Variants in SETD5 observed in about 807,000 individuals in gnomAD.
SETD5 encodes the protein histone-lysine N-methyltransferase SETD5.
In SETD5, 44 loss-of-function variants were observed where a neutral mutation model predicts 153.3. The ratio of observed to expected loss-of-function variants is 0.29; its 90% CI spans 0.23 to 0.37. The LOEUF (loss-of-function observed/expected upper bound fraction) is 0.37, where lower values mean the gene tolerates loss of function less well. Ranked by LOEUF, SETD5 falls within the 10% of genes least tolerant of loss-of-function variation. The pLI is 1.00. For synonymous variants in SETD5, 716 were observed against 645.2 expected, an observed-to-expected ratio of 1.11 and a Z score of -1.66; for missense variants, 1,544 against 1,768.0, an observed-to-expected ratio of 0.87 and a Z score of 2.27.
At chr3:9,435,230 C>CA (rs1196695310) in intron 6 of SETD5, among the ~76,000 whole-genome samples, 1 of 102,572 alleles carries the variant, frequency 9.7e-6, no homozygotes, top group African/African-American at 4.0e-5. Context: ...GCAACAAGAG[C>CA]AAAACTCCCT....
In SETD5 at chr3:9,434,088, C is replaced by T. The variant is rs766934759; in HGVS notation, c.177+138C>T. The T allele has an allele frequency of 2.0e-5, 31 of 1,575,592 alleles. No individual in the cohort carries two copies. The African/African-American group carries it at 2.6e-4, about 13-fold the overall frequency. On this transcript the variant is annotated intron_variant, in intron 4 of 22. Coordinates refer to ENST00000402198, the MANE Select transcript of SETD5 (RefSeq NM_001080517.3). The surrounding 1 kb of genome is among the most constrained non-coding windows in gnomAD (Gnocchi z 5.6). ...TTTGCACTTCCCTGACTCCAGCGGA[C>T]GTCTAGCCCTGCATCATTGTTCTTG...
chr3:9,424,814 A>G (rs562243724), intron 2 of SETD5, among the ~76,000 whole-genome samples: 1 of 152,276 alleles, frequency 6.6e-6, no homozygotes, highest in African/African-American at 2.4e-5. Flanking sequence ...TAATAGCTAC[A>G]TTTTACAGAG....
intron 1 of SETD5, among the ~76,000 whole-genome samples, chr3:9,406,609 A>AAAAAAAAAAAAAAG (rs1297037233): frequency 2.0e-5 from 3 of 149,038 alleles, no homozygotes; most frequent in African/African-American, 7.3e-5. Context: ...CTCTGTCTCA[A>AAAAAAAAAAAAAAG]AAAAAAAAAA....
intron 3 of SETD5, chr3:9,429,467 C>T (rs2039710114): frequency 6.1e-6 from 1 of 163,578 alleles, no homozygotes; most frequent in Admixed American, 6.0e-5. Flanking sequence ...CTTCTGACAT[C>T]TGGGGTAGAA....
At chr3:9,442,890 C>T (rs1411092310) in intron 10 of SETD5, 1 of 169,448 alleles carries the variant, frequency 5.9e-6, no homozygotes, top group East Asian at 1.8e-4. Flanking sequence ...AAATAGAAAA[C>T]TTAGCCAGGC....
intron 1 of SETD5, among the ~76,000 whole-genome samples, chr3:9,409,403 T>A (rs1371282373): frequency 6.6e-6 from 1 of 152,168 alleles, no homozygotes; most frequent in Non-Finnish European, 1.5e-5. Flanking sequence ...GAAGTATTAT[T>A]ATTGTGTACT....
intron 8 of SETD5, among the ~76,000 whole-genome samples, chr3:9,441,148 A>C (rs920472760): frequency 6.6e-6 from 1 of 152,132 alleles, no homozygotes; most frequent in Non-Finnish European, 1.5e-5. Flanking sequence ...ATTTGAGGTT[A>C]TAGTAAGCTA....
chr3:9,441,773 T>C, intron 9 of SETD5, 32 bp downstream of exon 9: 3 of 1,613,668 alleles, frequency 1.9e-6, no homozygotes, highest in Non-Finnish European at 2.5e-6. Flanking sequence ...CAGTGAGGGC[T>C]AAGGTGGACC....
rs1354577419 is a variant in SETD5 at position 9,476,060 on chromosome 3, C to T, written c.4298C>T (p.Ser1433Leu). Residue 1433 changes from serine (S) to leucine (L), a missense_variant, in exon 23 of 23, where the codon TCA becomes TTA. Physicochemically the swap from Ser to Leu is moderately radical, Grantham distance 145 (BLOSUM62 -2). Transcript: ENST00000402198. ...TACCGACTCCAGCCACTGCAAGGGT[C>T]AGGAGTCAAGACTCAGACGGGACTT... ...HQYRLQPLQGSGVKTQTGLS is the reference protein window; with the variant it reads ...HQYRLQPLQGLGVKTQTGLS 1 of 1,613,844 alleles carries T rather than the reference C, an allele frequency of 6.2e-7. No homozygotes were observed. Among genetic ancestry groups the T allele is most frequent in the Non-Finnish European group, 8.5e-7 (1 of 1,179,820 alleles).
At chr3:9,436,044 C>A in intron 7 of SETD5, 138 bp downstream of exon 7, 1 of 757,512 alleles carries the variant, frequency 1.3e-6, no homozygotes, top group Non-Finnish European at 2.2e-6. Context: ...CAAAAATCAG[C>A]TAATCTGTGT....
intron 3 of SETD5, among the ~76,000 whole-genome samples, chr3:9,432,956 A>C (rs1004085564): frequency 6.6e-6 from 1 of 152,184 alleles, no homozygotes; most frequent in Non-Finnish European, 1.5e-5. Context: ...AGTCAGACAG[A>C]CTTTGTTTCA....
At chr3:9,440,427 A>G (rs2041136787) in intron 7 of SETD5, 29 bp from the exon 8 acceptor site, 4 of 1,241,108 alleles carry the variant, frequency 3.2e-6, no homozygotes, top group South Asian at 2.4e-5. Context: ...CATGGACTTT[A>G]CTAACCTCCC....
chr3:9,457,728 G>A (rs1575534511), intron 17 of SETD5, among the ~76,000 whole-genome samples: 1 of 148,894 alleles, frequency 6.7e-6, no homozygotes, highest in Non-Finnish European at 1.5e-5. Context: ...CTGAGGAAAT[G>A]GAAATTTCTT....
rs768890584 is a variant in SETD5 at position 9,447,038 on chromosome 3, A to C, written c.1525-12A>C. ...TGAAGCTTCCTTCTACACCAGTACT[A>C]TCTCTTTCTAGACCAGGGAAGATAG... On this transcript the variant is annotated splice_polypyrimidine_tract_variant and intron_variant, in intron 13 of 22. Transcript: ENST00000402198. 3.1e-6 allele frequency: 5 copies of C among 1,600,708 alleles called. No homozygotes were observed. The highest frequency in any genetic ancestry group is 2.2e-5 in the East Asian group (1 of 44,836).
At chr3:9,459,665 C>A (rs1260611822) in intron 17 of SETD5, among the ~76,000 whole-genome samples, 47 of 148,076 alleles carry the variant, frequency 3.2e-4, no homozygotes, top group Non-Finnish European at 6.3e-4. Context: ...CGCCTGTAAT[C>A]CCAGCTACTC....
chr3:9,412,600 G>A (rs2036776536), intron 1 of SETD5, among the ~76,000 whole-genome samples: 1 of 151,580 alleles, frequency 6.6e-6, no homozygotes, highest in Admixed American at 6.6e-5. Flanking sequence ...ACAGGTGGGG[G>A]TCTCACTGTG....
chr3:9,470,367 C>G, intron 18 of SETD5, 92 bp from the exon 19 acceptor site: 1 of 910,856 alleles, frequency 1.1e-6, no homozygotes, highest in Non-Finnish European at 1.7e-6. Context: ...TTATCTTTCC[C>G]TGTTCACCTG....
At chr3:9,445,993 A>G (rs1178201707) in intron 13 of SETD5, among the ~76,000 whole-genome samples, 1 of 118,144 alleles carries the variant, frequency 8.5e-6, no homozygotes, top group Non-Finnish European at 1.6e-5. Flanking sequence ...TTTTTTACTA[A>G]CAATCTGGTT....
At chr3:9,408,676 A>G (rs1291575806) in intron 1 of SETD5, among the ~76,000 whole-genome samples, 1 of 152,186 alleles carries the variant, frequency 6.6e-6, no homozygotes, top group Non-Finnish European at 1.5e-5. Flanking sequence ...ATATTTTATA[A>G]TAGTACTGTG....
Sources: gnomAD v4.1 joint callset for allele counts (sites outside exome capture counted in the v4.1 genomes callset) on GRCh38, gnomAD v4.1.1 for gene constraint, Gnocchi (gnomAD v3.1) non-coding constraint, MANE v1.5 for transcripts, NCBI Gene and HGNC (gene_info 2026-07-23, HGNC 2026-07-21) for gene names.